The following SHISA9 variants were observed in gnomAD, a reference collection of about 807,000 sequenced individuals.
SHISA9 encodes protein shisa-9.
SHISA9 carries 13 observed loss-of-function variants against 38.0 expected under a neutral mutation model. The observed-to-expected ratio is 0.34, with a 90% CI of 0.22 to 0.54. The LOEUF (loss-of-function observed/expected upper bound fraction) is 0.54. Ranked by LOEUF, SHISA9 falls within the 20% of genes least tolerant of loss-of-function variation. The pLI is 0.91. For synonymous variants in SHISA9, 275 were observed against 242.0 expected (o/e 1.14, Z -1.27); for missense variants, 538 against 575.8 (o/e 0.93, Z 0.67).
chr16:13,537,984 A>G, the SHISA9 span, among the ~76,000 whole-genome samples: 7 of 152,182 alleles, frequency 4.6e-5, no homozygotes, highest in Non-Finnish European at 1.0e-4. Flanking sequence ...TTTAATTTTG[A>G]TGATGATAAA....
chr16:13,247,738 A>G, the SHISA9 span, among the ~76,000 whole-genome samples: 4 of 152,234 alleles, frequency 2.6e-5, no homozygotes, highest in Admixed American at 6.5e-5. Context: ...CATGGTTGCT[A>G]GAAATAATTT....
chr16:13,503,881 T>C, the SHISA9 span, among the ~76,000 whole-genome samples: 8 of 152,208 alleles, frequency 5.3e-5, no homozygotes, highest in African/African-American at 1.7e-4. Context: ...GCTTTACATG[T>C]TGGAAAGAGC....
chr16:13,466,007 T>C, the SHISA9 span, among the ~76,000 whole-genome samples: 7 of 152,214 alleles, frequency 4.6e-5, no homozygotes, highest in African/African-American at 1.7e-4. Flanking sequence ...GGAAAAAGTT[T>C]GTGTGATGGC....
chr16:13,060,982 CCATGTCCCCTCCAAGGCATGGTG>C (rs1192332269), intron 2 of SHISA9, among the ~76,000 whole-genome samples: 1 of 152,120 alleles, frequency 6.6e-6, no homozygotes, highest in African/African-American at 2.4e-5. Context: ...TGACACATTT[CCATGTCCCCTCCAAGGCATGGTG>C]CATGGTATGG....
chr16:12,958,846 A>G (rs532936514), intron 2 of SHISA9, among the ~76,000 whole-genome samples: 17 of 152,144 alleles, frequency 1.1e-4, no homozygotes, highest in Non-Finnish European at 2.2e-4. Flanking sequence ...CTGCATAACA[A>G]ATACTCCCCC....
intron 2 of SHISA9, among the ~76,000 whole-genome samples, chr16:13,019,883 C>CTT (rs1320942248): frequency 8.0e-5 from 1 of 12,466 alleles, no homozygotes; most frequent in South Asian, 3.7e-3. Flanking sequence ...TCCCTCCCTC[C>CTT]CTTCTTTCTT....
At chr16:13,268,090 C>T in the SHISA9 span, among the ~76,000 whole-genome samples, 1 of 152,014 alleles carries the variant, frequency 6.6e-6, no homozygotes, top group Non-Finnish European at 1.5e-5. Flanking sequence ...TACTACCCCA[C>T]CCATCAGCTC....
chr16:13,140,168 CCCCTCCCCTT>C (rs2050389430), intron 2 of SHISA9, among the ~76,000 whole-genome samples: 7 of 91,652 alleles, frequency 7.6e-5, no homozygotes, highest in African/African-American at 2.4e-4. Flanking sequence ...CCCCTCCCCT[CCCCTCCCCTT>C]CCCTTCCCTT....
At chr16:13,265,432 CCCTTCCCT>C in the SHISA9 span, among the ~76,000 whole-genome samples, 1 of 125,218 alleles carries the variant, frequency 8.0e-6, no homozygotes, top group African/African-American at 3.0e-5. Context: ...CCCTCCTCTT[CCCTTCCCT>C]TCTCTTTCTC....
At chr16:13,243,302 G>A (rs963243844), downstream of SHISA9, among the ~76,000 whole-genome samples, 1 of 152,082 alleles carries the variant, frequency 6.6e-6, no homozygotes, top group Non-Finnish European at 1.5e-5. Flanking sequence ...CTGTGACACA[G>A]CCTCAGGAAG....
intron 2 of SHISA9, among the ~76,000 whole-genome samples, chr16:12,981,815 AGAG>A (rs1276076584): frequency 1.3e-5 from 2 of 152,192 alleles, no homozygotes; most frequent in South Asian, 2.1e-4. Context: ...CCTTATAAGA[AGAG>A]GAGATTAGGA....
chr16:13,101,286 A>G (rs2073876614), intron 2 of SHISA9, among the ~76,000 whole-genome samples: 1 of 152,218 alleles, frequency 6.6e-6, no homozygotes, highest in African/African-American at 2.4e-5. Context: ...ACAAAAGGAA[A>G]TGGTAACTAT....
chr16:13,270,129 C>T, the SHISA9 span, among the ~76,000 whole-genome samples: 1 of 152,174 alleles, frequency 6.6e-6, no homozygotes, highest in South Asian at 2.1e-4. Context: ...CACCGGACTC[C>T]AACAGAATCC....
the SHISA9 span, among the ~76,000 whole-genome samples, chr16:13,528,796 T>C: frequency 6.6e-6 from 1 of 152,206 alleles, no homozygotes; most frequent in East Asian, 1.9e-4. Context: ...GCCTACGTAG[T>C]GTCTAGCACT....
chr16:12,932,011 C>A (rs939273107), intron 2 of SHISA9, among the ~76,000 whole-genome samples: 16 of 152,134 alleles, frequency 1.1e-4, no homozygotes, highest in Non-Finnish European at 1.5e-5. Flanking sequence ...GTGAATAAGT[C>A]TCATGAGACC....
chr16:13,180,958 A>AT (rs900841165), intron 2 of SHISA9, among the ~76,000 whole-genome samples: 12 of 151,520 alleles, frequency 7.9e-5, no homozygotes, highest in African/African-American at 2.2e-4. Flanking sequence ...TTAATTCACT[A>AT]TTTTTTTTCA....
chr16:12,975,663 G>GC (rs2072151112), intron 2 of SHISA9, among the ~76,000 whole-genome samples: 2 of 139,008 alleles, frequency 1.4e-5, no homozygotes, highest in East Asian at 2.3e-4. Context: ...GGGCGGGGGG[G>GC]GTAAGGGCAT....
the SHISA9 span, among the ~76,000 whole-genome samples, chr16:13,301,961 A>G: frequency 6.6e-6 from 1 of 152,324 alleles, no homozygotes; most frequent in African/African-American, 2.4e-5. Context: ...GACTGAGATA[A>G]TGGAGATAAG....
At chr16:13,217,036 C>G (rs1284598960) in intron 4 of SHISA9, among the ~76,000 whole-genome samples, 2 of 151,938 alleles carry the variant, frequency 1.3e-5, no homozygotes, top group Non-Finnish European at 2.9e-5. Flanking sequence ...CTTTGGGAGG[C>G]CGAGGTGGGC....
Sources: allele counts gnomAD v4.1 joint callset (sites outside exome capture counted in the v4.1 genomes callset), GRCh38; gene constraint gnomAD v4.1.1; transcripts MANE v1.5; gene names NCBI Gene and HGNC (gene_info 2026-07-23, HGNC 2026-07-21).